CSMD3: variants seen among roughly 807,000 people sequenced by gnomAD.
The protein encoded by CSMD3 is CUB and Sushi multiple domains 3.
In CSMD3, 177 loss-of-function variants were observed where a neutral mutation model predicts 435.2. The ratio of observed to expected loss-of-function variants is 0.41; its 90% CI spans 0.36 to 0.46. The LOEUF is 0.46. Among genes scored for constraint, CSMD3 ranks in the 20% least tolerant of loss-of-function variants. The probability of loss-of-function intolerance (pLI) is 0.34; values close to 1 mark genes in which losing one functional copy is unlikely to be tolerated. For synonymous variants in CSMD3, 1,656 were observed against 1,520.5 expected, an observed-to-expected ratio of 1.09 and a Z score of -2.07; for missense variants, 4,265 against 4,504.6, an observed-to-expected ratio of 0.95 and a Z score of 1.52.
intron 54 of CSMD3, among the ~76,000 whole-genome samples, chr8:112,293,215 A>T (rs1819952287): frequency 1.3e-5 from 2 of 152,036 alleles, no homozygotes; most frequent in Admixed American, 6.6e-5. Flanking sequence ...GATCATAGCT[A>T]TGCATATATA....
chr8:113,186,765 T>C lies in CSMD3; in HGVS notation c.515-12849A>G, dbSNP rs1386083573. ...TACACCCTGTGGTCACATGGATAGC[T>C]TTATTTAACGTTCCACAGCAAGGCA... On this transcript the variant is annotated intron_variant, in intron 3 of 70. Coordinates refer to ENST00000297405, the MANE Select transcript of CSMD3 (RefSeq NM_198123.2). Among the ~76,000 whole-genome samples the C allele has an allele frequency of 2.6e-5, 4 of 152,140 alleles. No individual in the cohort carries two copies. The East Asian group carries it at 7.8e-4, about 30-fold the overall frequency.
At chr8:113,337,462 A>T (rs1255326987) in intron 1 of CSMD3, among the ~76,000 whole-genome samples, 1 of 152,166 alleles carries the variant, frequency 6.6e-6, no homozygotes, top group Non-Finnish European at 1.5e-5. Flanking sequence ...GAACACTAGC[A>T]TCATAGCATA....
In CSMD3 at chr8:112,478,590, G is replaced by A. The variant is rs939225408; in HGVS notation, c.5279-5883C>T. ...GAGTGATGTCTTTGGGTATCTGGCA[G>A]AAGAAATTTCTAAGCAGCAAACCGT... On this transcript the variant is annotated intron_variant, in intron 31 of 70. Coordinates refer to ENST00000297405, the MANE Select transcript of CSMD3 (RefSeq NM_198123.2). Among the ~76,000 whole-genome samples the A allele has an allele frequency of 2.4e-4, 36 of 152,136 alleles. 2 individuals are homozygous for A. Among genetic ancestry groups the A allele is most frequent in the Admixed American group, 2.1e-3 (32 of 15,276 alleles).
chr8:113,354,707 T>C (rs1292888317), intron 1 of CSMD3, among the ~76,000 whole-genome samples: 2 of 152,166 alleles, frequency 1.3e-5, no homozygotes, highest in Non-Finnish European at 2.9e-5. Context: ...TGGCATGATG[T>C]TGGCTTCCTG....
At chr8:112,582,419 G>A (rs147071105) in intron 23 of CSMD3, among the ~76,000 whole-genome samples, 1 of 151,682 alleles carries the variant, frequency 6.6e-6, no homozygotes, top group African/African-American at 2.4e-5. Context: ...AAAAAAAAAA[G>A]AGGGAGGCCT....
intron 4 of CSMD3, among the ~76,000 whole-genome samples, chr8:113,123,657 G>C (rs1270309126): frequency 6.6e-6 from 1 of 151,970 alleles, no homozygotes; most frequent in Admixed American, 6.6e-5. Flanking sequence ...AGTGGTTCTA[G>C]TCCTGAGCAT....
At position 112,337,613 on chromosome 8, in the gene CSMD3, A is replaced by T. The variant is rs2130965658; in HGVS notation, c.6771T>A (p.Ile2257=). Residue 2257 remains isoleucine (I), a synonymous_variant, in exon 43 of 71, where the codon ATT becomes ATA. Coordinates refer to ENST00000297405, the MANE Select transcript of CSMD3 (RefSeq NM_198123.2). Reference sequence around the variant, plus strand: ...GAAGGCATGTGAGAGCTGAATTTCCAATTAATGTGTATCCTGGGAAACATT... The same window carrying T: ...GAAGGCATGTGAGAGCTGAATTTCCTATTAATGTGTATCCTGGGAAACATT... ...SFECFPGYTL[I]GNSALTCLHG... 1 of 1,613,734 alleles carries T rather than the reference A, an allele frequency of 6.2e-7. No homozygotes were observed. The highest frequency in any genetic ancestry group is 8.5e-7 in the Non-Finnish European group (1 of 1,179,646).
chr8:112,422,068 C>G (rs1311177061), intron 32 of CSMD3, among the ~76,000 whole-genome samples: 1 of 152,024 alleles, frequency 6.6e-6, no homozygotes, highest in East Asian at 1.9e-4. Flanking sequence ...TAGCCATTAT[C>G]CTATAGAGCA....
At chr8:113,179,728 G>C (rs1017242082) in intron 3 of CSMD3, among the ~76,000 whole-genome samples, 14 of 151,704 alleles carry the variant, frequency 9.2e-5, no homozygotes, top group Admixed American at 6.6e-5. Flanking sequence ...TTTAAATCTT[G>C]AAAGAGAGCA....
chr8:113,209,393 A>G (rs2092806426), intron 3 of CSMD3, among the ~76,000 whole-genome samples: 1 of 152,154 alleles, frequency 6.6e-6, no homozygotes, highest in African/African-American at 2.4e-5. Flanking sequence ...AAGGCACAAG[A>G]TATTTCAAGA....
chr8:113,128,520 T>C (rs1353073213), intron 4 of CSMD3, among the ~76,000 whole-genome samples: 1 of 151,956 alleles, frequency 6.6e-6, no homozygotes, highest in Non-Finnish European at 1.5e-5. Context: ...ACATACTGTA[T>C]TACACTATGT....
At chr8:112,761,087 T>G (rs1472332419) in intron 13 of CSMD3, among the ~76,000 whole-genome samples, 1 of 152,160 alleles carries the variant, frequency 6.6e-6, no homozygotes, top group African/African-American at 2.4e-5. Context: ...ACAATCTCTG[T>G]TCCAATTTTC....
intron 5 of CSMD3, among the ~76,000 whole-genome samples, chr8:113,067,907 A>C (rs2088932030): frequency 6.6e-6 from 1 of 152,102 alleles, no homozygotes; most frequent in African/African-American, 2.4e-5. Flanking sequence ...CCAGGGCAAC[A>C]TTCTGCTTCA....
chr8:113,250,977 G>A (rs908906107), intron 3 of CSMD3, among the ~76,000 whole-genome samples: 1 of 151,892 alleles, frequency 6.6e-6, no homozygotes, highest in Non-Finnish European at 1.5e-5. Flanking sequence ...TTGCAGAAGG[G>A]TTACTAGGTA....
At chr8:113,200,639 A>G (rs1354998153) in intron 3 of CSMD3, among the ~76,000 whole-genome samples, 3 of 151,206 alleles carry the variant, frequency 2.0e-5, no homozygotes, top group Non-Finnish European at 4.4e-5. Flanking sequence ...CACGTGCAGA[A>G]CGAGCTAGAA....
intron 50 of CSMD3, 81 bp from the exon 51 acceptor site, chr8:112,306,273 C>T: frequency 1.0e-6 from 1 of 993,428 alleles, no homozygotes; most frequent in Non-Finnish European, 1.6e-6. Context: ...AACTGTAAAA[C>T]ATGCAAAACT....
chr8:112,788,912 A>G (rs1294739876), intron 13 of CSMD3, among the ~76,000 whole-genome samples: 1 of 152,124 alleles, frequency 6.6e-6, no homozygotes, highest in Non-Finnish European at 1.5e-5. Context: ...AAACAGAATC[A>G]ACCTTACTCA....
At chr8:112,439,610 T>G (rs11781694) in intron 32 of CSMD3, among the ~76,000 whole-genome samples, 34,723 of 151,990 alleles carry the variant, frequency 0.23, 4,259 homozygotes, top group East Asian at 0.39. Context: ...ACTACGTAAT[T>G]TATAAAGGAA....
intron 59 of CSMD3, among the ~76,000 whole-genome samples, chr8:112,278,705 TA>T (rs1818326951): frequency 6.6e-6 from 1 of 152,280 alleles, no homozygotes; most frequent in Admixed American, 6.5e-5. Flanking sequence ...AGTCCATACC[TA>T]AACTCAGATG....
Sources: gnomAD v4.1 joint callset for allele counts (sites outside exome capture counted in the v4.1 genomes callset) on GRCh38, gnomAD v4.1.1 for gene constraint, MANE v1.5 for transcripts, NCBI Gene and HGNC (gene_info 2026-07-23, HGNC 2026-07-21) for gene names.